RALYL: variants seen among roughly 807,000 people sequenced by gnomAD.
The protein encoded by RALYL is RNA-binding Raly-like protein.
In RALYL, 29 loss-of-function variants were observed where a neutral mutation model predicts 35.1. That is an observed-to-expected ratio of 0.83 (90% CI 0.61 to 1.13). The LOEUF (loss-of-function observed/expected upper bound fraction) is 1.13, where lower values mean the gene tolerates loss of function less well. Ranked by LOEUF, RALYL falls within the 50% of genes most tolerant of loss-of-function variation. RALYL has a pLI of 0.00. For synonymous variants in RALYL, 120 were observed against 127.6 expected (o/e 0.94, Z 0.40); for missense variants, 359 against 360.4 (o/e 1.00, Z 0.03).
intron 3 of RALYL, among the ~76,000 whole-genome samples, chr8:84,786,402 A>T (rs1819466713): frequency 6.6e-6 from 1 of 152,176 alleles, no homozygotes; most frequent in Non-Finnish European, 1.5e-5. Context: ...AGGAATCGCC[A>T]CACTGTCTTC....
intron 2 of RALYL, among the ~76,000 whole-genome samples, chr8:84,575,299 G>A (rs1406136195): frequency 6.6e-6 from 1 of 152,028 alleles, no homozygotes; most frequent in African/African-American, 2.4e-5. Context: ...TGAGATATAT[G>A]TGTTTTATAT....
chr8:84,332,346 A>G lies in RALYL; in HGVS notation c.-24+147922A>G, dbSNP rs142388560. On this transcript the variant is annotated intron_variant, in intron 1 of 8. Transcript: ENST00000521268. The stretch of plus-strand genomic sequence containing the variant: ...AAAAAGAAAGTACAGAGGACAGGAA[A>G]GAATCCATAGACTGAGAAAGGGAAA... Among the ~76,000 whole-genome samples, 507 of 152,286 alleles carry G rather than the reference A, an allele frequency of 3.3e-3. 4 individuals carry two copies. Among genetic ancestry groups the G allele is most frequent in the African/African-American group, 0.012 (495 of 41,584 alleles).
intron 1 of RALYL, among the ~76,000 whole-genome samples, chr8:84,439,976 G>T (rs1421406719): frequency 6.6e-6 from 1 of 151,970 alleles, no homozygotes; most frequent in African/African-American, 2.4e-5. Flanking sequence ...GTTATAATTG[G>T]TTTCAGTAAC....
intron 1 of RALYL, among the ~76,000 whole-genome samples, chr8:84,254,284 A>C (rs767736453): frequency 2.0e-5 from 3 of 152,174 alleles, no homozygotes; most frequent in Admixed American, 6.5e-5. Flanking sequence ...TATAAGATTA[A>C]ATTATAATAT....
chr8:84,739,608 G>A (rs1455082134), intron 2 of RALYL, among the ~76,000 whole-genome samples: 1 of 151,566 alleles, frequency 6.6e-6, no homozygotes, highest in Non-Finnish European at 1.5e-5. Flanking sequence ...CACAATATAT[G>A]TATGTATTTC....
intron 2 of RALYL, among the ~76,000 whole-genome samples, chr8:84,612,956 T>C (rs1588505095): frequency 6.6e-6 from 1 of 151,768 alleles, no homozygotes; most frequent in Admixed American, 6.6e-5. Flanking sequence ...TAAAATTTAC[T>C]GTGCAAAATG....
chr8:84,312,528 G>T (rs924893745), intron 1 of RALYL, among the ~76,000 whole-genome samples: 1 of 152,172 alleles, frequency 6.6e-6, no homozygotes, highest in African/African-American at 2.4e-5. Context: ...TACAGTGGGG[G>T]TACAGGCATT....
At chr8:84,586,734 T>C (rs548081182) in intron 2 of RALYL, among the ~76,000 whole-genome samples, 3 of 152,276 alleles carry the variant, frequency 2.0e-5, no homozygotes, top group South Asian at 4.1e-4. Flanking sequence ...TATATATTCC[T>C]AGGGTTAAAG....
chr8:84,355,150 T>C (rs1214037906), intron 1 of RALYL, among the ~76,000 whole-genome samples: 1 of 150,408 alleles, frequency 6.6e-6, no homozygotes, highest in Non-Finnish European at 1.5e-5. Flanking sequence ...TTATTTGATA[T>C]ATCTAGAATC....
At chr8:84,812,059 G>A (rs1435293177) in intron 4 of RALYL, among the ~76,000 whole-genome samples, 3 of 152,008 alleles carry the variant, frequency 2.0e-5, no homozygotes, top group Non-Finnish European at 4.4e-5. Flanking sequence ...TGATTTTTGG[G>A]GGTGTTTAAG....
At chr8:84,372,242 A>G (rs1855868215) in intron 1 of RALYL, among the ~76,000 whole-genome samples, 1 of 152,036 alleles carries the variant, frequency 6.6e-6, no homozygotes, top group Non-Finnish European at 1.5e-5. Context: ...AACATCTGTG[A>G]CTGGAGTCCA....
chr8:84,612,767 T>C (rs1818597382), intron 2 of RALYL, among the ~76,000 whole-genome samples: 1 of 151,682 alleles, frequency 6.6e-6, no homozygotes, highest in East Asian at 1.9e-4. Context: ...AAATGTCCTC[T>C]GAATAAACTA....
chr8:84,508,342 T>TG (rs919951395), intron 1 of RALYL, among the ~76,000 whole-genome samples: 3 of 152,316 alleles, frequency 2.0e-5, no homozygotes, highest in African/African-American at 7.2e-5. Flanking sequence ...GCTGTGTAAG[T>TG]GCTAAGTTAG....
At chr8:84,208,220 CTG>C (rs1472722781) in intron 1 of RALYL, among the ~76,000 whole-genome samples, 1 of 152,086 alleles carries the variant, frequency 6.6e-6, no homozygotes, top group Non-Finnish European at 1.5e-5. Context: ...TAATAAAAGT[CTG>C]TGTGTTAAAA....
intron 3 of RALYL, among the ~76,000 whole-genome samples, chr8:84,785,341 C>T (rs1290651205): frequency 1.3e-5 from 2 of 152,086 alleles, no homozygotes; most frequent in Admixed American, 6.6e-5. Flanking sequence ...CTACTACCTG[C>T]CCAAACTAAT....
intron 1 of RALYL, among the ~76,000 whole-genome samples, chr8:84,443,739 A>G (rs711006): frequency 0.5 from 76,524 of 151,912 alleles, 19,789 homozygotes; most frequent in African/African-American, 0.62. Context: ...TCTTCTTTGA[A>G]TTTATCTTGA....
At chr8:84,684,120 A>G (rs1454658958) in intron 2 of RALYL, among the ~76,000 whole-genome samples, 1 of 152,210 alleles carries the variant, frequency 6.6e-6, no homozygotes, top group African/African-American at 2.4e-5. Context: ...CTAACATGAC[A>G]TGACTGAGCC....
chr8:84,780,704 A>C (rs573556895), intron 3 of RALYL, among the ~76,000 whole-genome samples: 15 of 152,216 alleles, frequency 9.9e-5, no homozygotes, highest in Non-Finnish European at 2.2e-4. Context: ...TTTGGGCTGC[A>C]TAAAGGAAGA....
At chr8:84,583,954 A>T (rs578069983) in intron 2 of RALYL, among the ~76,000 whole-genome samples, 13 of 152,082 alleles carry the variant, frequency 8.5e-5, no homozygotes, top group Non-Finnish European at 1.6e-4. Context: ...ATATTTTTAA[A>T]TTTTTTTATT....
Sources: gnomAD v4.1 joint callset for allele counts (sites outside exome capture counted in the v4.1 genomes callset) on GRCh38, gnomAD v4.1.1 for gene constraint, MANE v1.5 for transcripts, NCBI Gene and HGNC (gene_info 2026-07-23, HGNC 2026-07-21) for gene names.